Variants in NOP14 observed in about 807,000 individuals in gnomAD.
NOP14 encodes NOP14 nucleolar protein.
NOP14 carries 57 observed loss-of-function variants against 101.6 expected under a neutral mutation model. The ratio of observed to expected loss-of-function variants is 0.56; its 90% CI spans 0.45 to 0.70. The LOEUF (loss-of-function observed/expected upper bound fraction) is 0.70, where lower values mean the gene tolerates loss of function less well. Among genes scored for constraint, NOP14 ranks in the 30% least tolerant of loss-of-function variants. NOP14 has a pLI of 0.00. For missense variants in NOP14, 1,134 were observed against 1,075.5 expected, an observed-to-expected ratio of 1.05 and a Z score of -0.76; for synonymous variants, 428 against 424.0, an observed-to-expected ratio of 1.01 and a Z score of -0.12.
intron 10 of NOP14, 54 bp downstream of exon 10, chr4:2,947,472 G>A: frequency 1.6e-6 from 2 of 1,244,500 alleles, no homozygotes; most frequent in Non-Finnish European, 2.4e-6. Flanking sequence ...CTAAATGGGA[G>A]AAAAATTGTT....
intron 1 of NOP14, among the ~76,000 whole-genome samples, chr4:2,962,904 C>T (rs986451871): frequency 6.6e-6 from 1 of 152,098 alleles, no homozygotes; most frequent in African/African-American, 2.4e-5. Context: ...GAGGAGTCGC[C>T]GAAATAACAC....
At chr4:2,943,936 A>G in intron 13 of NOP14, 137 bp downstream of exon 13, 1 of 687,446 alleles carries the variant, frequency 1.5e-6, no homozygotes, top group Non-Finnish European at 2.5e-6. Context: ...ACACAGAGGG[A>G]CAGACAGTGC....
chr4:2,942,091 G>C, intron 14 of NOP14, 101 bp downstream of exon 14: 1 of 1,242,778 alleles, frequency 8.0e-7, no homozygotes, highest in Non-Finnish European at 1.1e-6. Flanking sequence ...CGGCCGGGCG[G>C]CAAGTTCACT....
intron 17 of NOP14, 79 bp downstream of exon 17, chr4:2,939,109 C>G: frequency 6.3e-7 from 1 of 1,582,070 alleles, no homozygotes; most frequent in South Asian, 1.1e-5. Context: ...ATGCCAGGTG[C>G]CCGGTGCTCT....
intron 1 of NOP14, among the ~76,000 whole-genome samples, chr4:2,959,524 T>A (rs562349754): frequency 3.3e-5 from 5 of 151,892 alleles, no homozygotes; most frequent in African/African-American, 1.2e-4. Context: ...ACCCGGGAAG[T>A]GGAGCTTGCA....
Position 2,963,223 on chromosome 4 carries a change from C to A in NOP14, c.97G>T (p.Glu33Ter), listed in dbSNP as rs762601598. 1.3e-6 allele frequency: 2 copies of A among 1,589,896 alleles called. No individual in the cohort carries two copies. Among genetic ancestry groups the A allele is most frequent in the Non-Finnish European group, 1.7e-6 (2 of 1,170,512 alleles). Residue 33 changes from glutamate (E) to a stop codon, truncating the protein, a stop_gained, in exon 1 of 18, where the codon GAG (glutamate) becomes TAG (stop). Coordinates refer to ENST00000416614, the MANE Select transcript of NOP14 (RefSeq NM_001291978.2). LOFTEE classifies it high-confidence loss of function. The part of the protein sequence containing the change: ...GPAKANSNPF[E>*]VKVNRQKFQI... ...AACTTCTGCCTGTTAACTTTCACCT[C>A]GAACGGATTGGAGTTGGCCTTCGCC...
chr4:2,957,479 C>T (rs1715426778), intron 2 of NOP14, 127 bp downstream of exon 2: 4 of 1,106,270 alleles, frequency 3.6e-6, no homozygotes, highest in South Asian at 1.5e-5. Flanking sequence ...GCACAGGATT[C>T]GAGGGCTATC....
At chr4:2,951,835 C>T (rs1012774388) in intron 6 of NOP14, among the ~76,000 whole-genome samples, 1 of 152,044 alleles carries the variant, frequency 6.6e-6, no homozygotes, top group Non-Finnish European at 1.5e-5. Context: ...GGGCCAGGCG[C>T]GGTGGCTCAC....
chr4:2,953,689 G>A, intron 4 of NOP14, 44 bp from the exon 5 acceptor site: 1 of 1,608,314 alleles, frequency 6.2e-7, no homozygotes, highest in Non-Finnish European at 8.5e-7. Context: ...CGTTACTACT[G>A]GACTTCAACC....
intron 3 of NOP14, 67 bp downstream of exon 3, chr4:2,956,603 G>T: frequency 3.4e-6 from 5 of 1,467,202 alleles, no homozygotes; most frequent in Non-Finnish European, 4.6e-6. Context: ...AGAGCAGAAG[G>T]TCTAACAATG....
Position 2,952,380 on chromosome 4 carries a change from C to CA in NOP14, c.764dup (p.Met255IlefsTer9), listed in dbSNP as rs1436129878. 18 of 1,612,544 alleles carry CA rather than the reference C, an allele frequency of 1.1e-5. No individual in the cohort carries two copies. The highest frequency in any genetic ancestry group is 1.5e-5 in the Non-Finnish European group (18 of 1,179,024). ...TTTCAAAGCCAAGCTCGCGAACCAT[C>CA]ATGTCATATGCATCGGGCTAAGGTA... On this transcript the variant is annotated frameshift_variant, in exon 6 of 18. Transcript: ENST00000416614. LOFTEE classifies it high-confidence loss of function.
At chr4:2,942,390 A>AT in intron 13 of NOP14, 39 bp from the exon 14 acceptor site, 1 of 1,590,160 alleles carries the variant, frequency 6.3e-7, no homozygotes, top group Non-Finnish European at 8.6e-7. Context: ...TGGCCTGAAC[A>AT]TTACTGGGCT....
chr4:2,940,294 C>A (rs1714058125), intron 15 of NOP14: 2 of 152,924 alleles, frequency 1.3e-5, no homozygotes, highest in Non-Finnish European at 2.9e-5. Context: ...CCGCTTTCTC[C>A]TGCACAGGTG....
intron 1 of NOP14, among the ~76,000 whole-genome samples, chr4:2,960,885 T>TA (rs1715758648): frequency 8.9e-6 from 1 of 112,874 alleles, no homozygotes; most frequent in Non-Finnish European, 1.7e-5. Flanking sequence ...ACATTATTAT[T>TA]ATATTATTAT....
chr4:2,945,262 G>T (rs1577829206), intron 11 of NOP14, 33 bp from the exon 12 acceptor site: 1 of 1,493,176 alleles, frequency 6.7e-7, no homozygotes, highest in South Asian at 1.2e-5. Context: ...GGTTAAAGAA[G>T]GTAAATGAAG....
rs1292347811 is a variant in NOP14 at position 2,951,260 on chromosome 4, ATGAGATGTCT to A, written c.871-25_871-16del. 1 of 1,612,828 alleles carries A rather than the reference ATGAGATGTCT, an allele frequency of 6.2e-7. No individual in the cohort carries two copies. On this transcript the variant is annotated splice_polypyrimidine_tract_variant and intron_variant, in intron 6 of 17. Transcript: ENST00000416614. Reference sequence around the variant, plus strand: ...AGTCTCTCAGCCTGAGCAGGAAGGAATGAGATGTCTTAGAGCACACTCTTCCAACATATGG... The same window carrying A: ...AGTCTCTCAGCCTGAGCAGGAAGGAATAGAGCACACTCTTCCAACATATGG...
At position 2,942,289 on chromosome 4, in the gene NOP14, C is replaced by G. The variant is rs767752259; in HGVS notation, c.1954G>C (p.Ala652Pro). 1 of 1,614,160 alleles carries G rather than the reference C, an allele frequency of 6.2e-7. No homozygotes were observed. Among genetic ancestry groups the G allele is most frequent in the Non-Finnish European group, 8.5e-7 (1 of 1,180,022 alleles). ...TGCCACGTGGCCACATCCTCTCTAG[C>G]AGACACCACGAGCAGTTCCGAGTTC... ...GKNSELLVVS[A>P]REDVATWQQS... is the part of the protein sequence containing the mutation. Residue 652 changes from alanine to proline, a missense_variant, in exon 14 of 18, where the codon GCT becomes CCT. By Grantham distance (27) the Ala-to-Pro change is conservative (BLOSUM62 -1). Coordinates refer to ENST00000416614, the MANE Select transcript of NOP14 (RefSeq NM_001291978.2).
intron 1 of NOP14, among the ~76,000 whole-genome samples, chr4:2,959,931 C>G (rs1397372304): frequency 1.3e-5 from 2 of 152,030 alleles, no homozygotes; most frequent in African/African-American, 2.4e-5. Context: ...GCTCGATGAA[C>G]TCTGTACGGA....
At chr4:2,948,808 A>G (rs1714827071) in intron 8 of NOP14, among the ~76,000 whole-genome samples, 1 of 152,202 alleles carries the variant, frequency 6.6e-6, no homozygotes, top group Admixed American at 6.5e-5. Context: ...CAGAGAGGTA[A>G]TTTTATATAA....
Sources: allele counts gnomAD v4.1 joint callset (sites outside exome capture counted in the v4.1 genomes callset), GRCh38; gene constraint gnomAD v4.1.1; transcripts MANE v1.5; gene names NCBI Gene and HGNC (gene_info 2026-07-23, HGNC 2026-07-21).